MOV10L1: variants seen among roughly 807,000 people sequenced by gnomAD.
The protein encoded by MOV10L1 is Mov10 like RNA helicase 1.
A neutral mutation model predicts 143.8 loss-of-function variants in MOV10L1; 110 were observed. The observed-to-expected ratio is 0.76, with a 90% CI of 0.66 to 0.90. The LOEUF is 0.90. MOV10L1 is among the 40% of genes least tolerant of loss of function. MOV10L1 has a pLI of 0.00. For missense variants in MOV10L1, 1,406 were observed against 1,526.8 expected (o/e 0.92, Z 1.32); for synonymous variants, 593 against 581.1 (o/e 1.02, Z -0.29).
Position 50,143,138 on chromosome 22 carries a change from G to A in MOV10L1, c.2275G>A (p.Gly759Ser). Residue 759 changes from glycine to serine, a missense_variant, in exon 17 of 27, where the codon GGT (glycine) becomes AGT (serine). Physicochemically the swap from Gly to Ser is moderately conservative, Grantham distance 56 (BLOSUM62 0). This residue lies in a region of MOV10L1 where 1,233 missense variants were observed against 1,351.4 expected (regional missense o/e 0.91). Coordinates refer to ENST00000262794, the MANE Select transcript of MOV10L1 (RefSeq NM_018995.3). The part of the protein sequence containing the change: ...QKLAVKRILS[G>S]DCRPLPYILF... Reference sequence around the variant, plus strand: ...GTTAGCAGTTAAAAGGATTCTGAGTGGTGACTGCCGTCCCCTCCCGTATAT... The same window carrying A: ...GTTAGCAGTTAAAAGGATTCTGAGTAGTGACTGCCGTCCCCTCCCGTATAT... The A allele has an allele frequency of 6.2e-7, 1 of 1,614,140 alleles. No homozygotes were observed. Among genetic ancestry groups the A allele is most frequent in the Non-Finnish European group, 8.5e-7 (1 of 1,179,978 alleles).
chr22:50,107,184 C>CCTGCCT (rs1221438759), intron 3 of MOV10L1, among the ~76,000 whole-genome samples: 3 of 151,612 alleles, frequency 2.0e-5, no homozygotes, highest in Non-Finnish European at 4.4e-5. Context: ...ACGCCATTCT[C>CCTGCCT]CTGCCTCAGC....
In MOV10L1 at chr22:50,145,717, G is replaced by T; in HGVS notation, c.2534G>T (p.Cys845Phe). 6.2e-7 allele frequency: 1 copy of T among 1,614,110 alleles called. No homozygotes were observed. Among genetic ancestry groups the T allele is most frequent in the Non-Finnish European group, 8.5e-7 (1 of 1,180,030 alleles). The change falls in exon 19 of 27, where the codon TGC (cysteine) becomes TTC (phenylalanine). Residue 845 changes from cysteine to phenylalanine, a missense_variant. Physicochemically the swap from Cys to Phe is radical, Grantham distance 205 (BLOSUM62 -2). Around this residue, in one of 3 missense-constraint regions of MOV10L1, gnomAD observed 1,233 missense variants for 1,351.4 expected, o/e 0.91. Transcript: ENST00000262794. Reference sequence around the variant, plus strand: ...GTTATTGACGCCGTCAAACCGTATTGCAGAGACGGAGAAGACATCTGGAAA... The same window carrying T: ...GTTATTGACGCCGTCAAACCGTATTTCAGAGACGGAGAAGACATCTGGAAA... ...EIVIDAVKPYCRDGEDIWKAS... is the reference protein window; with the variant it reads ...EIVIDAVKPYFRDGEDIWKAS...
At position 50,125,552 on chromosome 22, in the gene MOV10L1, G is replaced by A; in HGVS notation, c.1730G>A (p.Arg577Lys). The change falls in exon 11 of 27, where the codon AGG (arginine) becomes AAG (lysine). Residue 577 changes from arginine (R) to lysine (K), a missense_variant. Arg to Lys is a conservative substitution (Grantham distance 26). This residue lies in a region of MOV10L1 where 1,233 missense variants were observed against 1,351.4 expected (regional missense o/e 0.91). Transcript: ENST00000262794. ...GAGGTCCCAGGGTTGGCCGAAGGGA[G>A]GCCTTCTCTCTACGCAGGTGTGTTT... ...VLEVPGLAEG[R>K]PSLYAGDKLI... 6.2e-7 allele frequency: 1 copy of A among 1,614,120 alleles called. No homozygotes were observed. Among genetic ancestry groups the A allele is most frequent in the East Asian group, 2.2e-5 (1 of 44,882 alleles).
intron 3 of MOV10L1, among the ~76,000 whole-genome samples, chr22:50,102,726 A>G (rs2061776312): frequency 1.3e-5 from 2 of 151,904 alleles, no homozygotes; most frequent in African/African-American, 4.8e-5. Context: ...ACATGGAGAA[A>G]CCCCGTCTCT....
chr22:50,099,024 G>C (rs1023027032), intron 2 of MOV10L1, among the ~76,000 whole-genome samples: 9 of 152,092 alleles, frequency 5.9e-5, no homozygotes, highest in African/African-American at 2.2e-4. Flanking sequence ...TTAGTCATGG[G>C]GTATAATCCT....
At position 50,125,799 on chromosome 22, in the gene MOV10L1, G is replaced by T. The variant is rs917192767; in HGVS notation, c.1747+230G>T. On this transcript the variant is annotated intron_variant, in intron 11 of 26. Transcript: ENST00000262794. The stretch of plus-strand genomic sequence containing the variant: ...AATGTTTTTGTTTGTTTGTTTGTTT[G>T]TTTTTTGAGGTGGAGTCTCGCTGTG... Among the ~76,000 whole-genome samples the T allele has an allele frequency of 1.5e-4, 23 of 151,924 alleles. No individual in the cohort carries two copies. In the East Asian group the frequency reaches 4.4e-3, roughly 29 times the overall value.
intron 21 of MOV10L1, 28 bp downstream of exon 21, chr22:50,150,927 G>T (rs371422227): frequency 6.2e-7 from 1 of 1,613,226 alleles, no homozygotes; most frequent in Non-Finnish European, 8.5e-7. Context: ...GCGCGTTCAG[G>T]TCCCCAGCTA....
At chr22:50,117,512 G>A (rs2062215591) in intron 9 of MOV10L1, among the ~76,000 whole-genome samples, 161 bp downstream of exon 9, 1 of 152,126 alleles carries the variant, frequency 6.6e-6, no homozygotes. Flanking sequence ...TTGGGGGATG[G>A]AGTGCATTTC....
At chr22:50,108,915 C>T (rs1209251435) in intron 5 of MOV10L1, 71 bp downstream of exon 5, 18 of 1,454,936 alleles carry the variant, frequency 1.2e-5, no homozygotes, top group Non-Finnish European at 1.7e-5. Flanking sequence ...GAGGCTGAGG[C>T]AGACGGATCA....
intron 3 of MOV10L1, 21 bp from the exon 4 acceptor site, chr22:50,108,115 C>CT (rs1569278656): frequency 7.5e-6 from 12 of 1,608,938 alleles, no homozygotes; most frequent in East Asian, 2.2e-5. Flanking sequence ...ACTACCATGG[C>CT]TTTTTTCCTG....
In MOV10L1 at chr22:50,125,482, A is replaced by G; in HGVS notation, c.1660A>G (p.Met554Val). 6.2e-7 allele frequency: 1 copy of G among 1,614,222 alleles called. No homozygotes were observed. The highest frequency in any genetic ancestry group is 8.5e-7 in the Non-Finnish European group (1 of 1,180,042). ...YAEMELKEYN[M>V]SGIILRRNGD... is the part of the protein sequence containing the mutation. ...AGAAATGGAACTGAAAGAGTATAAC[A>G]TGAGCGGGATCATCTTAAGAAGGAA... The change falls in exon 11 of 27, where the codon ATG becomes GTG. Residue 554 changes from methionine (M) to valine (V), a missense_variant. Transcript: ENST00000262794.
At chr22:50,151,340 G>A (rs1338141779) in intron 21 of MOV10L1, among the ~76,000 whole-genome samples, 1 of 152,188 alleles carries the variant, frequency 6.6e-6, no homozygotes, top group African/African-American at 2.4e-5. Context: ...GGCCTCCAGG[G>A]CCCATCATTC....
intron 5 of MOV10L1, among the ~76,000 whole-genome samples, chr22:50,113,391 G>T (rs1428305304): frequency 6.6e-6 from 1 of 152,190 alleles, no homozygotes; most frequent in Non-Finnish European, 1.5e-5. Context: ...TGGGGAGCAC[G>T]TTCAGGACAC....
chr22:50,090,146 A>G lies in MOV10L1; in HGVS notation c.58A>G (p.Arg20Gly). The G allele has an allele frequency of 4.9e-6, 7 of 1,422,462 alleles. No individual in the cohort carries two copies. Among genetic ancestry groups the G allele is most frequent in the Non-Finnish European group, 5.5e-6 (6 of 1,090,706 alleles). 88.1% of individuals were successfully genotyped at this position (1,422,462 alleles called of 1,614,324 possible). The change falls in exon 1 of 27, where the codon AGG (arginine) becomes GGG (glycine). Residue 20 changes from arginine to glycine, a missense_variant. Physicochemically the swap from Arg to Gly is moderately radical, Grantham distance 125. Coordinates refer to ENST00000262794, the MANE Select transcript of MOV10L1 (RefSeq NM_018995.3). Reference protein sequence around the residue: ...AFFWRTADTPREEAGQLEPEL... With the variant: ...AFFWRTADTPGEEAGQLEPEL... ...CTTCTGGAGGACGGCGGACACCCCT[A>G]GGGAGGAAGCCGGGCAGCTGGAGCC...
intron 6 of MOV10L1, 26 bp from the exon 7 acceptor site, chr22:50,114,355 G>A (rs1253345462): frequency 6.2e-7 from 1 of 1,609,504 alleles, no homozygotes; most frequent in Non-Finnish European, 8.5e-7. Context: ...TCCTGGCTGT[G>A]TTCATAGTTA....
intron 11 of MOV10L1, 53 bp from the exon 12 acceptor site, chr22:50,126,149 G>A (rs1569300750): frequency 7.5e-7 from 1 of 1,327,880 alleles, no homozygotes; most frequent in Non-Finnish European, 1.1e-6. Context: ...GGACAGCACA[G>A]AAATTTGTGA....
intron 10 of MOV10L1, among the ~76,000 whole-genome samples, chr22:50,124,930 T>G (rs1209784024): frequency 1.3e-5 from 2 of 152,226 alleles, no homozygotes; most frequent in African/African-American, 4.8e-5. Flanking sequence ...CTACGTGATG[T>G]TCATTGTTTA....
intron 13 of MOV10L1, among the ~76,000 whole-genome samples, chr22:50,133,146 G>C (rs549695554): frequency 1.2e-4 from 19 of 152,274 alleles, no homozygotes; most frequent in African/African-American, 4.3e-4. Context: ...GTGTGGAATA[G>C]AAGTGGTGGC....
At chr22:50,117,704 G>A (rs1382122478) in intron 9 of MOV10L1, among the ~76,000 whole-genome samples, 1 of 152,218 alleles carries the variant, frequency 6.6e-6, no homozygotes, top group East Asian at 1.9e-4. Context: ...GCCATGGTGT[G>A]TAGTGCACGG....
Sources: gnomAD v4.1 joint callset for allele counts (sites outside exome capture counted in the v4.1 genomes callset) on GRCh38, gnomAD v4.1.1 for gene constraint, gnomAD v4.1.1 regional missense constraint, MANE v1.5 for transcripts, NCBI Gene and HGNC (gene_info 2026-07-23, HGNC 2026-07-21) for gene names.